Variants in VBP1 observed in about 807,000 individuals in gnomAD.
VBP1 encodes the protein VHL binding protein 1.
Under a neutral mutation model 15.5 loss-of-function variants are expected in VBP1, and 4 were observed. The ratio of observed to expected loss-of-function variants is 0.26; its 90% CI spans 0.13 to 0.59. The LOEUF is 0.59. Among genes scored for constraint, VBP1 ranks in the 20% least tolerant of loss-of-function variants. The probability of loss-of-function intolerance (pLI) is 0.90; values close to 1 mark genes in which losing one functional copy is unlikely to be tolerated. For missense variants in VBP1, 108 were observed against 139.6 expected (o/e 0.77, Z 1.14); for synonymous variants, 61 against 52.1 (o/e 1.17, Z -0.74).
chrX:155,234,978 A>G (rs1158627141), intron 4 of VBP1, among the ~76,000 whole-genome samples: 1 of 111,825 alleles, frequency 8.9e-6, no homozygotes, highest in East Asian at 2.8e-4. Flanking sequence ...TGTGAGGGCA[A>G]ACTGATTTCT....
chrX:155,226,319 G>T (rs1455260285), intron 2 of VBP1, among the ~76,000 whole-genome samples: 3 of 111,664 alleles, frequency 2.7e-5, no homozygotes, highest in Non-Finnish European at 5.6e-5. Context: ...TGTCAGTGAG[G>T]TTGATTGCAT....
rs782199849 is a variant in VBP1 at position 155,220,201 on chromosome X, A to G, written c.112A>G (p.Met38Val). 1 of 1,199,229 alleles carries G rather than the reference A, an allele frequency of 8.3e-7. No individual in the cohort carries two copies. Among genetic ancestry groups the G allele is most frequent in the South Asian group, 1.8e-5 (1 of 54,392 alleles). The change falls in exon 2 of 6, where the codon ATG becomes GTG. Residue 38 changes from methionine to valine, a missense_variant. By Grantham distance (21) the Met-to-Val change is conservative. Transcript: ENST00000286428. ...AVFVEDVDSF[M>V]KQPGNETADT... ...ATTAAAGGAAGATGTAGATTCCTTC[A>G]TGAAACAGCCTGGGAATGAGACTGC...
At chrX:155,227,175 C>T (rs1468928772) in intron 2 of VBP1, 60 bp from the exon 3 acceptor site, 6 of 1,008,977 alleles carry the variant, frequency 5.9e-6, no homozygotes, top group African/African-American at 5.8e-5. Context: ...TTAGTAAGAC[C>T]GTGTCCTGTT....
At chrX:155,213,374 A>G (rs2074651228), upstream of VBP1, 1 of 112,055 alleles carries the variant, frequency 8.9e-6, no homozygotes, top group Admixed American at 9.4e-5. Flanking sequence ...AGCTCTTCAG[A>G]GTAATTTCAG....
intron 1 of VBP1, among the ~76,000 whole-genome samples, chrX:155,200,296 C>T (rs1274911287): frequency 9.4e-6 from 1 of 105,855 alleles, no homozygotes; most frequent in Non-Finnish European, 1.9e-5. Context: ...CCCAAATCAA[C>T]AGAATATACA....
At chrX:155,201,814 C>A (rs1557307512) in intron 1 of VBP1, among the ~76,000 whole-genome samples, 1 of 110,734 alleles carries the variant, frequency 9.0e-6, no homozygotes, top group East Asian at 2.8e-4. Flanking sequence ...AAGAGGAAGT[C>A]AAATTGTCCC....
chrX:155,200,503 A>G (rs2074598584), intron 1 of VBP1, among the ~76,000 whole-genome samples: 1 of 111,496 alleles, frequency 9.0e-6, no homozygotes, highest in Admixed American at 9.5e-5. Flanking sequence ...CTGGTCCTGA[A>G]TGACTACTGG....
At chrX:155,200,500 T>G (rs1418243805) in intron 1 of VBP1, among the ~76,000 whole-genome samples, 4 of 111,442 alleles carry the variant, frequency 3.6e-5, no homozygotes, top group African/African-American at 1.3e-4. Flanking sequence ...AACCTGGTCC[T>G]GAATGACTAC....
intron 4 of VBP1, among the ~76,000 whole-genome samples, chrX:155,230,686 CT>C (rs1163342396): frequency 7.6e-4 from 79 of 103,846 alleles, no homozygotes; most frequent in Admixed American, 7.2e-4. Flanking sequence ...TTACTTCTCT[CT>C]TTTTTTTTTT....
chrX:155,198,943 C>T lies in VBP1; in HGVS notation c.-31+1804C>T, dbSNP rs1159268271. On this transcript the variant is annotated intron_variant, in intron 1 of 6. Transcript: ENST00000535916. ...GCTGATGGAGCTGAAAGCCAAGTCT[C>T]GAGAACTACGTGAAGAATGCAGAAG... Among the ~76,000 whole-genome samples the T allele has an allele frequency of 8.0e-5, 9 of 111,925 alleles. 1 individual carries two copies. The highest frequency in any genetic ancestry group is 3.7e-4 in the South Asian group (1 of 2,727).
chrX:155,224,214 G>T (rs1276042752), intron 2 of VBP1, among the ~76,000 whole-genome samples: 7 of 111,672 alleles, frequency 6.3e-5, no homozygotes, highest in South Asian at 3.6e-4. Context: ...GCCGGGCAGA[G>T]GCTGCAATCT....
At chrX:155,220,483 C>T (rs782547221) in intron 2 of VBP1, among the ~76,000 whole-genome samples, 176 bp downstream of exon 2, 4 of 112,071 alleles carry the variant, frequency 3.6e-5, no homozygotes, top group Non-Finnish European at 5.6e-5. Flanking sequence ...GTTCCGTATC[C>T]TTGCCAACAC....
chrX:155,222,059 T>C (rs1258953830), intron 2 of VBP1, among the ~76,000 whole-genome samples: 1 of 113,025 alleles, frequency 8.8e-6, no homozygotes, highest in Non-Finnish European at 1.9e-5. Flanking sequence ...TTCTTGTTTT[T>C]GCTTAGCTGT....
intron 4 of VBP1, among the ~76,000 whole-genome samples, chrX:155,229,615 G>A (rs1273932721): frequency 1.8e-5 from 2 of 111,947 alleles, no homozygotes; most frequent in Non-Finnish European, 3.8e-5. Context: ...TAGTTATTCT[G>A]TTTTGTTGCT....
chrX:155,227,370 T>C, intron 3 of VBP1, 69 bp downstream of exon 3: 2 of 803,655 alleles, frequency 2.5e-6, no homozygotes, highest in Non-Finnish European at 3.5e-6. Flanking sequence ...CTTCTTTGAC[T>C]CTTTGGTCAC....
Position 155,203,650 on chromosome X carries a change from C to T in VBP1, c.-30-5224C>T, listed in dbSNP as rs1029209118. ...GGGAGGGATACCATTAGGAGATATACCTAATGCTAAATGACGAGTTAATGG... is the reference window on the plus strand; with the variant it reads ...GGGAGGGATACCATTAGGAGATATATCTAATGCTAAATGACGAGTTAATGG... On this transcript the variant is annotated intron_variant, in intron 1 of 6. Coordinates refer to the VBP1 transcript ENST00000535916. Among the ~76,000 whole-genome samples the T allele has an allele frequency of 2.8e-5, 3 of 106,774 alleles. No individual in the cohort carries two copies. In the East Asian group the frequency reaches 9.1e-4, roughly 32 times the overall value. 92.7% of individuals were successfully genotyped at this position (106,774 alleles called of 115,157 possible).
chrX:155,203,116 G>A (rs2074612149), intron 1 of VBP1, among the ~76,000 whole-genome samples: 2 of 111,812 alleles, frequency 1.8e-5, no homozygotes, highest in Non-Finnish European at 3.8e-5. Flanking sequence ...AACAACTGGT[G>A]CTGGAGAGGA....
At chrX:155,208,895 CCTT>C in exon 2 of VBP1, 1 of 1,152,039 alleles carries the variant, frequency 8.7e-7, no homozygotes, top group Non-Finnish European at 1.1e-6. Flanking sequence ...ATTGGGAGCT[CCTT>C]CTCTAATGGC....
chrX:155,219,664 G>A (rs1312082737), intron 1 of VBP1, among the ~76,000 whole-genome samples: 3 of 111,676 alleles, frequency 2.7e-5, no homozygotes, highest in African/African-American at 9.8e-5. Context: ...TTACTACTAG[G>A]GATGCATGGG....
Sources: gnomAD v4.1 joint callset for allele counts (sites outside exome capture counted in the v4.1 genomes callset) on GRCh38, gnomAD v4.1.1 for gene constraint, MANE v1.5 for transcripts, NCBI Gene and HGNC (gene_info 2026-07-23, HGNC 2026-07-21) for gene names.